The following RPL31 variants were observed in gnomAD, a reference collection of about 807,000 sequenced individuals.
RPL31 encodes ribosomal protein L31.
For missense variants in RPL31, 95 were observed against 164.0 expected (o/e 0.58, Z 2.30); for synonymous variants, 51 against 55.0 (o/e 0.93, Z 0.32).
At chr2:101,011,273 C>T (rs138765479), downstream of RPL31, 4,905 of 721,820 alleles carry the variant, frequency 6.8e-3, 42 homozygotes, top group Middle Eastern at 0.035. Flanking sequence ...GGGGCAGCCA[C>T]CCAGCAACAC....
At chr2:101,017,854 A>T in intron 4 of RPL31, 1 of 1,550,892 alleles carries the variant, frequency 6.4e-7, no homozygotes, top group Non-Finnish European at 8.7e-7. Flanking sequence ...GCAATTCCCA[A>T]TTAGGTCTTC....
chr2:101,004,273 A>G lies in RPL31; in HGVS notation c.223A>G (p.Lys75Glu), dbSNP rs1241055902. ...DTRLNKAVWA[K>E]GIRNVPYRIR... ...CAGGCTCAACAAAGCTGTCTGGGCCAAAGGAATAAGGTGCTAAAGTTATCT... is the reference window on the plus strand; with the variant it reads ...CAGGCTCAACAAAGCTGTCTGGGCCGAAGGAATAAGGTGCTAAAGTTATCT... The change falls in exon 3 of 5, where the codon AAA (lysine) becomes GAA (glutamate). Residue 75 changes from lysine (K) to glutamate (E), a missense_variant. Lys to Glu is a moderately conservative substitution (Grantham distance 56, BLOSUM62 1). Coordinates refer to ENST00000264258, the MANE Select transcript of RPL31 (RefSeq NM_000993.5). 6.2e-7 allele frequency: 1 copy of G among 1,614,114 alleles called. No homozygotes were observed. The highest frequency in any genetic ancestry group is 1.1e-5 in the South Asian group (1 of 91,058).
chr2:101,018,511 A>G (rs1323667751), intron 4 of RPL31, among the ~76,000 whole-genome samples: 5 of 152,254 alleles, frequency 3.3e-5, no homozygotes, highest in African/African-American at 9.6e-5. Context: ...GGAAACTTCT[A>G]TTCCTTCACA....
At chr2:101,019,175 T>G (rs1194859649) in exon 5 of RPL31, 11 of 1,207,390 alleles carry the variant, frequency 9.1e-6, no homozygotes, top group Non-Finnish European at 1.3e-5. Context: ...GCCAGGCCTG[T>G]TCTACACGGC....
chr2:101,003,021 T>C (rs1226500477), intron 2 of RPL31, among the ~76,000 whole-genome samples: 1 of 152,188 alleles, frequency 6.6e-6, no homozygotes, highest in East Asian at 1.9e-4. Context: ...CATTATTCTT[T>C]CTTAGCCGAA....
exon 5 of RPL31, chr2:101,019,087 T>G: frequency 3.8e-6 from 6 of 1,585,292 alleles, no homozygotes; most frequent in Non-Finnish European, 5.1e-6. Context: ...GGCTCTTCAT[T>G]GCTTCCTGAG....
At chr2:101,009,934 G>A (rs1010475163), downstream of RPL31, among the ~76,000 whole-genome samples, 3 of 150,926 alleles carry the variant, frequency 2.0e-5, no homozygotes, top group Admixed American at 1.3e-4. Flanking sequence ...CCATTCTCCT[G>A]CCTCAGCCTC....
downstream of RPL31, chr2:101,008,385 A>G (rs1346893702): frequency 5.9e-6 from 5 of 847,520 alleles, no homozygotes; most frequent in Admixed American, 6.5e-5. Context: ...TTGAAGACAC[A>G]GAATATAAGA....
At chr2:101,019,074 C>T in exon 5 of RPL31, 3 of 1,597,482 alleles carry the variant, frequency 1.9e-6, no homozygotes, top group Non-Finnish European at 2.6e-6. Flanking sequence ...GGCCTTGGGT[C>T]TCGGCTCTTC....
At chr2:101,012,723 C>T (rs1035866211) in intron 4 of RPL31, among the ~76,000 whole-genome samples, 1 of 152,030 alleles carries the variant, frequency 6.6e-6, no homozygotes, top group East Asian at 1.9e-4. Flanking sequence ...TAACAATTAT[C>T]GGGGATGACA....
chr2:101,012,282 T>C (rs1679275332), intron 4 of RPL31, among the ~76,000 whole-genome samples: 1 of 152,206 alleles, frequency 6.6e-6, no homozygotes, highest in Non-Finnish European at 1.5e-5. Flanking sequence ...TTGTTCATAG[T>C]AGCCAAAAAA....
chr2:101,008,358 A>G (rs909938594), downstream of RPL31: 12 of 1,060,110 alleles, frequency 1.1e-5, no homozygotes, highest in African/African-American at 1.9e-4. Flanking sequence ...GAGCTTTGAG[A>G]AAACGACACA....
downstream of RPL31, among the ~76,000 whole-genome samples, chr2:101,011,867 A>G (rs189580167): frequency 1.3e-3 from 193 of 152,368 alleles, no homozygotes; most frequent in African/African-American, 4.4e-3. Context: ...AAACTGAAAT[A>G]TATCCATGCA....
At chr2:101,011,615 G>C, downstream of RPL31, 1 of 1,485,746 alleles carries the variant, frequency 6.7e-7, no homozygotes, top group Non-Finnish European at 9.3e-7. Flanking sequence ...TAGCTTTCTA[G>C]GCAACTAAAG....
At chr2:101,009,826 TC>T (rs200502405), downstream of RPL31, among the ~76,000 whole-genome samples, 26,261 of 146,100 alleles carry the variant, frequency 0.18, 2,804 homozygotes, top group Middle Eastern at 0.31. Flanking sequence ...AGGAGCTTTT[TC>T]TTTTTTTTTT....
chr2:101,007,793 T>C, downstream of RPL31: 1 of 1,601,418 alleles, frequency 6.2e-7, no homozygotes, highest in Non-Finnish European at 8.5e-7. Flanking sequence ...TATGGTGGAC[T>C]CCAGTGTGCA....
downstream of RPL31, chr2:101,008,419 T>TCTAAA (rs1573843752): frequency 1.5e-6 from 1 of 686,124 alleles, no homozygotes; most frequent in African/African-American, 1.8e-5. Flanking sequence ...GCCTTTCCAC[T>TCTAAA]CTAAACTATT....
chr2:101,008,803 C>T (rs1482689237), downstream of RPL31, among the ~76,000 whole-genome samples: 1 of 145,340 alleles, frequency 6.9e-6, no homozygotes, highest in Non-Finnish European at 1.5e-5. Flanking sequence ...AAGAGTAAAA[C>T]TTTGTCTTAA....
downstream of RPL31, among the ~76,000 whole-genome samples, chr2:101,009,406 C>CAA (rs70943054): frequency 4.7e-4 from 46 of 97,760 alleles, no homozygotes; most frequent in African/African-American, 1.1e-3. Flanking sequence ...ACTCTGTCTC[C>CAA]AAAAAAAAAA....
Sources: gnomAD v4.1 joint callset for allele counts (sites outside exome capture counted in the v4.1 genomes callset) on GRCh38, gnomAD v4.1.1 for gene constraint, MANE v1.5 for transcripts, NCBI Gene and HGNC (gene_info 2026-07-23, HGNC 2026-07-21) for gene names.